Variants in SLIT3 observed in about 807,000 individuals in gnomAD.
The protein encoded by SLIT3 is slit guidance ligand 3, also known as slit homolog 3 protein.
SLIT3 carries 68 observed loss-of-function variants against 184.0 expected under a neutral mutation model. The ratio of observed to expected loss-of-function variants is 0.37; its 90% CI spans 0.30 to 0.45. The LOEUF is 0.45. Among genes scored for constraint, SLIT3 ranks in the 20% least tolerant of loss-of-function variants. The pLI, the probability that SLIT3 is intolerant of heterozygous loss-of-function variation, is 1.00. For missense variants in SLIT3, 1,707 were observed against 2,026.0 expected, an observed-to-expected ratio of 0.84 and a Z score of 3.02; for synonymous variants, 831 against 828.6, an observed-to-expected ratio of 1.00 and a Z score of -0.05.
intron 4 of SLIT3, among the ~76,000 whole-genome samples, chr5:169,098,336 G>A (rs1026271432): frequency 5.3e-5 from 8 of 152,122 alleles, no homozygotes; most frequent in East Asian, 3.9e-4. Flanking sequence ...ACATGCAACC[G>A]ATAACTATGC....
chr5:168,886,911 CAGTA>C (rs543419054), intron 4 of SLIT3, among the ~76,000 whole-genome samples: 5 of 152,294 alleles, frequency 3.3e-5, no homozygotes, highest in African/African-American at 9.6e-5. Flanking sequence ...ATTAAGGAGA[CAGTA>C]AGTCAAATAG....
intron 12 of SLIT3, among the ~76,000 whole-genome samples, chr5:168,778,615 C>T (rs559706506): frequency 1.2e-4 from 19 of 152,320 alleles, no homozygotes; most frequent in Admixed American, 7.8e-4. Flanking sequence ...TGCATCTGTA[C>T]GAGGCAAGGC....
intron 4 of SLIT3, among the ~76,000 whole-genome samples, chr5:168,934,965 TA>T (rs59434182): frequency 0.4 from 47,895 of 120,320 alleles, 7,993 homozygotes; most frequent in African/African-American, 0.43. Context: ...CCATCTCTAC[TA>T]AAAAAAAAAA....
chr5:168,729,941 A>G (rs777382624), intron 20 of SLIT3, among the ~76,000 whole-genome samples: 1 of 152,172 alleles, frequency 6.6e-6, no homozygotes, highest in South Asian at 2.1e-4. Flanking sequence ...GAATGGATAA[A>G]GAAACATGAT....
At chr5:168,808,270 C>G (rs908318853) in intron 8 of SLIT3, among the ~76,000 whole-genome samples, 4 of 151,924 alleles carry the variant, frequency 2.6e-5, no homozygotes, top group Non-Finnish European at 5.9e-5. Flanking sequence ...AGCCTTTATA[C>G]TTCTGAGAAA....
chr5:169,069,898 C>G (rs17667246), intron 4 of SLIT3, among the ~76,000 whole-genome samples: 2 of 152,002 alleles, frequency 1.3e-5, no homozygotes, highest in African/African-American at 4.8e-5. Flanking sequence ...GGGGAACCCT[C>G]GGAAAGATCT....
intron 4 of SLIT3, among the ~76,000 whole-genome samples, chr5:168,962,778 G>C (rs1004958417): frequency 2.1e-4 from 20 of 93,094 alleles, no homozygotes; most frequent in African/African-American, 1.9e-3. Context: ...CTGCCTTTTA[G>C]CTCTTAGACT....
intron 4 of SLIT3, among the ~76,000 whole-genome samples, chr5:169,071,192 T>C (rs1211844635): frequency 6.6e-6 from 1 of 152,222 alleles, no homozygotes; most frequent in African/African-American, 2.4e-5. Context: ...GTTATCACGA[T>C]CAAAACACCT....
At chr5:169,255,210 A>T (rs954221949) in intron 1 of SLIT3, among the ~76,000 whole-genome samples, 2 of 152,210 alleles carry the variant, frequency 1.3e-5, no homozygotes, top group African/African-American at 4.8e-5. Context: ...TGTTATCACT[A>T]TTTTAGAGCA....
intron 4 of SLIT3, among the ~76,000 whole-genome samples, chr5:169,171,785 G>A (rs927284892): frequency 1.3e-5 from 2 of 152,242 alleles, no homozygotes; most frequent in Admixed American, 1.3e-4. Context: ...TCTATCCCTA[G>A]AGGAAAATGG....
chr5:168,795,186 A>C (rs938308793), intron 10 of SLIT3, among the ~76,000 whole-genome samples: 3 of 152,212 alleles, frequency 2.0e-5, no homozygotes, highest in Non-Finnish European at 4.4e-5. Flanking sequence ...TTAGGTCCAC[A>C]TCACTGGAGC....
At chr5:168,666,776 C>CTT (rs1374102669) in intron 35 of SLIT3, 87 bp from the exon 36 acceptor site, 1 of 1,592,094 alleles carries the variant, frequency 6.3e-7, no homozygotes, top group Admixed American at 1.7e-5. Context: ...CTTTGAAATA[C>CTT]TTGTGCTCTG....
At chr5:168,711,136 G>A in intron 24 of SLIT3, 78 bp from the exon 25 acceptor site, 3 of 1,332,576 alleles carry the variant, frequency 2.3e-6, no homozygotes, top group East Asian at 5.6e-5. Flanking sequence ...CTCTGGAAAT[G>A]CATTTTCAGA....
intron 5 of SLIT3, among the ~76,000 whole-genome samples, chr5:168,879,832 CT>C (rs1338224200): frequency 2.0e-5 from 3 of 152,218 alleles, no homozygotes; most frequent in Non-Finnish European, 4.4e-5. Context: ...TCCTCCTGAA[CT>C]TCCCATTTCT....
At chr5:168,714,272 G>C (rs1267645697) in intron 23 of SLIT3, among the ~76,000 whole-genome samples, 1 of 152,220 alleles carries the variant, frequency 6.6e-6, no homozygotes, top group Non-Finnish European at 1.5e-5. Context: ...GCTGCTTGCT[G>C]TTTTGCATAG....
In SLIT3 at chr5:168,708,232, G is replaced by A. The variant is rs368798584; in HGVS notation, c.2720-132C>T. On this transcript the variant is annotated intron_variant, in intron 25 of 35. Transcript: ENST00000519560. Reference sequence around the variant, plus strand: ...CCAACTCCATGCCCAGATGGCAGCTGGCTCTCCTCAGCCAGCACATCCAGT... The same window carrying A: ...CCAACTCCATGCCCAGATGGCAGCTAGCTCTCCTCAGCCAGCACATCCAGT... 1.2e-4 allele frequency: 157 copies of A among 1,257,508 alleles called. No homozygotes were observed. In the African/African-American group the frequency reaches 2.0e-3, roughly 16 times the overall value. The allele number at this position is 1,257,508 out of a possible 1,614,324, so 77.9% of individuals were successfully genotyped here. A position where few individuals can be genotyped will look rare whatever the true frequency, so the allele number is the denominator to read the frequency against.
chr5:169,015,979 CA>C (rs1561608836), intron 4 of SLIT3, among the ~76,000 whole-genome samples: 3 of 112,360 alleles, frequency 2.7e-5, no homozygotes, highest in Non-Finnish European at 5.6e-5. Context: ...CACACACACA[CA>C]CACACAACTT....
At chr5:169,029,423 G>A (rs900129291) in intron 4 of SLIT3, among the ~76,000 whole-genome samples, 2 of 152,130 alleles carry the variant, frequency 1.3e-5, no homozygotes, top group Non-Finnish European at 2.9e-5. Context: ...TCCTCTCCTC[G>A]GACCTACTGC....
At chr5:169,260,047 C>G (rs1044445348) in intron 1 of SLIT3, among the ~76,000 whole-genome samples, 3 of 152,132 alleles carry the variant, frequency 2.0e-5, no homozygotes, top group African/African-American at 7.2e-5. Context: ...CACAGCATAG[C>G]TATCTCAATG....
Sources: gnomAD v4.1 joint callset for allele counts (sites outside exome capture counted in the v4.1 genomes callset) on GRCh38, gnomAD v4.1.1 for gene constraint, MANE v1.5 for transcripts, NCBI Gene and HGNC (gene_info 2026-07-23, HGNC 2026-07-21) for gene names.